The following CDK13 variants were observed in gnomAD, a reference collection of about 807,000 sequenced individuals.
CDK13 encodes cyclin-dependent kinase 13.
Under a neutral mutation model 137.6 loss-of-function variants are expected in CDK13, and 40 were observed. The ratio of observed to expected loss-of-function variants is 0.29; its 90% confidence interval spans 0.23 to 0.38. The LOEUF is 0.38. Among genes scored for constraint, CDK13 ranks in the 10% least tolerant of loss-of-function variants. The pLI is 1.00. For missense variants in CDK13, 1,704 were observed against 1,951.8 expected (o/e 0.87, Z 2.39); for synonymous variants, 869 against 760.1 (o/e 1.14, Z -2.36).
rs182037404 is a variant in CDK13 at position 40,003,106 on chromosome 7, G to C, written c.2353+1075G>C. Among the ~76,000 whole-genome samples the C allele has an allele frequency of 1.6e-4, 23 of 143,158 alleles. No individual in the cohort carries two copies. In the East Asian group the frequency reaches 4.8e-3, roughly 30 times the overall value. 93.9% of individuals were successfully genotyped at this position (143,158 alleles called of 152,430 possible). A position where few individuals can be genotyped will look rare whatever the true frequency, so the allele number is the denominator to read the frequency against. The stretch of plus-strand genomic sequence containing the variant: ...AAACGAAAAGAAAAAGATTAAAGTA[G>C]GTATGTTCTGATTGAACATGGTACT... On this transcript the variant is annotated intron_variant, in intron 5 of 13. Coordinates refer to ENST00000181839, the MANE Select transcript of CDK13 (RefSeq NM_003718.5).
intron 4 of CDK13, among the ~76,000 whole-genome samples, chr7:40,000,749 C>T (rs764202732): frequency 6.6e-6 from 1 of 152,138 alleles, no homozygotes; most frequent in Non-Finnish European, 1.5e-5. Flanking sequence ...GAAGGCATTC[C>T]ATAAAAATTA....
intron 9 of CDK13, among the ~76,000 whole-genome samples, chr7:40,066,423 C>T (rs987699566): frequency 2.6e-5 from 4 of 152,168 alleles, no homozygotes; most frequent in Admixed American, 1.3e-4. Context: ...AAGCTGAATG[C>T]TTGTAGCTAG....
Position 40,078,802 on chromosome 7 carries a change from C to G in CDK13, c.2980C>G (p.Gln994Glu), listed in dbSNP as rs1306739977. The G allele has an allele frequency of 6.5e-7, 1 of 1,536,084 alleles. No homozygotes were observed. Among genetic ancestry groups the G allele is most frequent in the Non-Finnish European group, 8.8e-7 (1 of 1,137,534 alleles). ...GCGCTGCACTGCTGAACAGGCTCTT[C>G]AGTGCGAGTTCCTCCGAGATGTGGA... The part of the protein sequence containing the change: ...SKRCTAEQAL[Q>E]CEFLRDVEPS... Residue 994 changes from glutamine to glutamate, a missense_variant, in exon 11 of 14, where the codon CAG becomes GAG. Physicochemically the swap from Gln to Glu is conservative, Grantham distance 29. Coordinates refer to ENST00000181839, the MANE Select transcript of CDK13 (RefSeq NM_003718.5).
chr7:40,046,646 C>CAAAAAT (rs1231219586), intron 6 of CDK13, among the ~76,000 whole-genome samples: 37 of 150,696 alleles, frequency 2.5e-4, no homozygotes, highest in African/African-American at 8.5e-4. Flanking sequence ...GACTCTGGCT[C>CAAAAAT]AAAAATAAAA....
intron 9 of CDK13, chr7:40,072,689 CTG>C (rs775370594): frequency 6.6e-6 from 1 of 152,220 alleles, no homozygotes; most frequent in Non-Finnish European, 1.5e-5. Context: ...CTTGTGAAAA[CTG>C]TTGCTGTATA....
intron 3 of CDK13, chr7:39,998,200 T>C (rs1242235258): frequency 1.5e-4 from 22 of 144,700 alleles, no homozygotes; most frequent in African/African-American, 6.1e-4. Context: ...GGAACACTGG[T>C]GCCTTTTTTT....
intron 1 of CDK13, among the ~76,000 whole-genome samples, chr7:39,968,846 C>T (rs1783932214): frequency 6.6e-6 from 1 of 152,116 alleles, no homozygotes; most frequent in Admixed American, 6.6e-5. Flanking sequence ...TTTAAGACCC[C>T]CAACACAGAC....
chr7:40,069,318 A>C, intron 9 of CDK13: 1 of 456,002 alleles, frequency 2.2e-6, no homozygotes, highest in Non-Finnish European at 4.4e-6. Flanking sequence ...AGACATGAAG[A>C]AAATGAAGTT....
chr7:40,024,645 G>GTTTTTTTTTTTT (rs58010602), intron 5 of CDK13, among the ~76,000 whole-genome samples: 5 of 50,280 alleles, frequency 9.9e-5, no homozygotes, highest in African/African-American at 4.2e-4. Flanking sequence ...GTAGCTCTGT[G>GTTTTTTTTTTTT]TTTTTTTTTT....
intron 1 of CDK13, among the ~76,000 whole-genome samples, chr7:39,966,442 C>T (rs1451405089): frequency 6.6e-6 from 1 of 152,106 alleles, no homozygotes; most frequent in Non-Finnish European, 1.5e-5. Context: ...GTTCTTGTGC[C>T]TTGATTTTCA....
chr7:39,950,456 G>C lies in CDK13; in HGVS notation c.-186G>C, dbSNP rs866403316. The C allele has an allele frequency of 8.0e-7, 1 of 1,244,314 alleles. No individual in the cohort carries two copies. Among genetic ancestry groups the C allele is most frequent in the African/African-American group, 1.6e-5 (1 of 64,382 alleles). 77.1% of individuals were successfully genotyped at this position (1,244,314 alleles called of 1,614,324 possible). On this transcript the variant is annotated 5_prime_UTR_variant, in exon 1 of 14. Transcript: ENST00000181839. ...TTCCCTGGGGCCCGGAGGCTGCTGC[G>C]TACCCCACTGTGACCTGGAACCCAG...
Position 40,063,046 on chromosome 7 carries a change from C to G in CDK13, c.2726C>G (p.Thr909Ser). ...SCGCILGELF[T>S]KKPIFQANQE... ...AGCTGTATCCTTGGCGAACTCTTCA[C>G]TAAAAAACCTATATTTCAAGCAAAT... The change falls in exon 9 of 14, where the codon ACT becomes AGT. Residue 909 changes from threonine (T) to serine (S), a missense_variant. This residue lies in a region of CDK13 where 130 missense variants were observed against 362.4 expected (regional missense o/e 0.36). Transcript: ENST00000181839. 6.2e-7 allele frequency: 1 copy of G among 1,613,758 alleles called. No individual in the cohort carries two copies. The highest frequency in any genetic ancestry group is 1.1e-5 in the South Asian group (1 of 91,078).
chr7:40,016,318 C>T lies in CDK13; in HGVS notation c.2353+14287C>T, dbSNP rs143648797. Reference sequence around the variant, plus strand: ...TTATTGTCTCTGAGCTTGAGTGTTACAAGAAGATCATTATACTTTTTGGGT... The same window carrying T: ...TTATTGTCTCTGAGCTTGAGTGTTATAAGAAGATCATTATACTTTTTGGGT... On this transcript the variant is annotated intron_variant, in intron 5 of 13. Coordinates refer to ENST00000181839, the MANE Select transcript of CDK13 (RefSeq NM_003718.5). 1.1e-3 allele frequency among the ~76,000 whole-genome samples: 170 copies of T among 152,262 alleles called. No individual in the cohort carries two copies. In the Middle Eastern group the frequency reaches 0.017, roughly 15 times the overall value.
intron 11 of CDK13, 103 bp downstream of exon 11, chr7:40,078,954 T>G: frequency 2.7e-6 from 1 of 363,776 alleles, no homozygotes; most frequent in Non-Finnish European, 4.1e-6. Context: ...TGTCTGGTTA[T>G]GAGAAAAATA....
At chr7:39,968,760 G>A (rs1166668304) in intron 1 of CDK13, among the ~76,000 whole-genome samples, 1 of 152,248 alleles carries the variant, frequency 6.6e-6, no homozygotes, top group East Asian at 1.9e-4. Flanking sequence ...TGTTCTTTTT[G>A]CTCAGGATTG....
At chr7:39,975,636 TGAGA>T (rs1329408267) in intron 1 of CDK13, among the ~76,000 whole-genome samples, 1 of 152,126 alleles carries the variant, frequency 6.6e-6, no homozygotes, top group Non-Finnish European at 1.5e-5. Context: ...GTTGAAATGA[TGAGA>T]GAGAGCCCGC....
chr7:39,998,893 A>C (rs1461713338), intron 3 of CDK13: 1 of 152,050 alleles, frequency 6.6e-6, no homozygotes. Context: ...TCATCCAGTC[A>C]TAAGTCTAAA....
intron 12 of CDK13, 78 bp downstream of exon 12, chr7:40,088,409 G>A (rs1312377881): frequency 9.4e-7 from 1 of 1,069,118 alleles, no homozygotes; most frequent in African/African-American, 1.6e-5. Context: ...TAATGTTAAA[G>A]CATCTTGTGG....
intron 5 of CDK13, among the ~76,000 whole-genome samples, chr7:40,006,571 T>G (rs1263851365): frequency 2.0e-5 from 3 of 152,146 alleles, no homozygotes; most frequent in Non-Finnish European, 4.4e-5. Flanking sequence ...CCCAGCACTT[T>G]GGTTGGCTGA....
Sources: gnomAD v4.1 joint callset for allele counts (sites outside exome capture counted in the v4.1 genomes callset) on GRCh38, gnomAD v4.1.1 for gene constraint, gnomAD v4.1.1 regional missense constraint, MANE v1.5 for transcripts, NCBI Gene and HGNC (gene_info 2026-07-23, HGNC 2026-07-21) for gene names.